SLC2A5: variants seen among roughly 807,000 people sequenced by gnomAD.
The protein encoded by SLC2A5 is solute carrier family 2, facilitated glucose transporter member 5.
Under a neutral mutation model 50.3 loss-of-function variants are expected in SLC2A5, and 56 were observed. The observed-to-expected ratio is 1.11, with a 90% confidence interval of 0.90 to 1.39. SLC2A5 has a LOEUF of 1.39. Ranked by LOEUF, SLC2A5 falls within the 40% of genes most tolerant of loss-of-function variation. The pLI, the probability that SLC2A5 is intolerant of heterozygous loss-of-function variation, is 0.00. For synonymous variants in SLC2A5, 269 were observed against 281.9 expected, an observed-to-expected ratio of 0.95 and a Z score of 0.46; for missense variants, 566 against 650.1, an observed-to-expected ratio of 0.87 and a Z score of 1.41.
chr1:9,041,903 C>A lies in SLC2A5; in HGVS notation c.453G>T (p.Gly151=). 6.2e-7 allele frequency: 1 copy of A among 1,613,290 alleles called. No homozygotes were observed. The highest frequency in any genetic ancestry group is 8.5e-7 in the Non-Finnish European group (1 of 1,179,722). ...CCCGCAGGTTTTTAGGGGCCAGCTC[C>A]CCTAAGTACATGGGGACCACGTTGG... ...VSSNVVPMYL[G]ELAPKNLRGA... The change falls in exon 5 of 12, where the codon GGG becomes GGT. Residue 151 remains glycine, a synonymous_variant. Coordinates refer to ENST00000377424, the MANE Select transcript of SLC2A5 (RefSeq NM_003039.3).
At chr1:9,083,375 T>C (rs1050963712) in intron 2 of SLC2A5, among the ~76,000 whole-genome samples, 1 of 152,202 alleles carries the variant, frequency 6.6e-6, no homozygotes, top group African/African-American at 2.4e-5. Context: ...GGCAGCAGTT[T>C]TGCATGACTA....
At chr1:9,092,627 C>T (rs1642471197), upstream of SLC2A5, among the ~76,000 whole-genome samples, 1 of 152,150 alleles carries the variant, frequency 6.6e-6, no homozygotes, top group Admixed American at 6.5e-5. Context: ...CTGGTTGATA[C>T]CTTTTCGGGA....
intron 4 of SLC2A5, among the ~76,000 whole-genome samples, chr1:9,042,664 G>A (rs999447276): frequency 6.6e-6 from 1 of 151,058 alleles, no homozygotes; most frequent in Non-Finnish European, 1.5e-5. Flanking sequence ...GGGTGTGTGT[G>A]TGTGTGTGTA....
At position 9,038,413 on chromosome 1, in the gene SLC2A5, C is replaced by T. The variant is rs200375670; in HGVS notation, c.1174+18G>A. 135 of 1,600,804 alleles carry T rather than the reference C, an allele frequency of 8.4e-5. No individual in the cohort carries two copies. The African/African-American group carries it at 1.8e-3, about 21-fold the overall frequency. On this transcript the variant is annotated intron_variant, in intron 10 of 11. Coordinates refer to ENST00000377424, the MANE Select transcript of SLC2A5 (RefSeq NM_003039.3). Reference sequence around the variant, plus strand: ...CAGGGGGGGTTGTGACACCCTGAGGCCAGCTTTGGGTACGTACTGGGCCCG... The same window carrying T: ...CAGGGGGGGTTGTGACACCCTGAGGTCAGCTTTGGGTACGTACTGGGCCCG...
In SLC2A5 at chr1:9,085,380, C is replaced by T. The variant is rs548437307; in HGVS notation, c.-187-238G>A. Among the ~76,000 whole-genome samples the T allele has an allele frequency of 1.0e-3, 152 of 152,204 alleles. 1 individual carries two copies. The highest frequency in any genetic ancestry group is 3.6e-3 in the African/African-American group (151 of 41,532). The stretch of plus-strand genomic sequence containing the variant: ...ATTCAAAGGTGGGGGAGGGTTCTTC[C>T]AGGCTATAGGTAAATTTAGACACTT... On this transcript the variant is annotated intron_variant, in intron 1 of 5. Coordinates refer to the SLC2A5 transcript ENST00000464985.
At chr1:9,039,722 C>A in intron 7 of SLC2A5, 60 bp from the exon 8 acceptor site, 2 of 1,431,824 alleles carry the variant, frequency 1.4e-6, no homozygotes. Flanking sequence ...GCGCCAGGAC[C>A]CACGCCCGGC....
At chr1:9,076,401 G>A (rs1046491957) in intron 2 of SLC2A5, among the ~76,000 whole-genome samples, 1 of 152,186 alleles carries the variant, frequency 6.6e-6, no homozygotes, top group South Asian at 2.1e-4. Flanking sequence ...ACTTGTTTGT[G>A]TTCAGATTGT....
chr1:9,037,458 G>C lies in SLC2A5; in HGVS notation c.*128C>G. Reference sequence around the variant, plus strand: ...AGTTCCCACTGGGGTGGGGAGGCTGGAGATGAGGACTGCATTCCACATCAG... The same window carrying C: ...AGTTCCCACTGGGGTGGGGAGGCTGCAGATGAGGACTGCATTCCACATCAG... On this transcript the variant is annotated 3_prime_UTR_variant, in exon 12 of 12. Transcript: ENST00000377424. 1 of 770,824 alleles carries C rather than the reference G, an allele frequency of 1.3e-6. No homozygotes were observed. 47.7% of individuals were successfully genotyped at this position (770,824 alleles called of 1,614,324 possible).
chr1:9,072,014 C>T (rs1642223764), upstream of SLC2A5: 3 of 155,590 alleles, frequency 1.9e-5, no homozygotes, highest in Non-Finnish European at 4.2e-5. Context: ...GCCCGGGTTC[C>T]CCTCCGCCTT....
At chr1:9,065,179 A>T (rs1238656715) in intron 1 of SLC2A5, among the ~76,000 whole-genome samples, 1 of 152,078 alleles carries the variant, frequency 6.6e-6, no homozygotes, top group African/African-American at 2.4e-5. Flanking sequence ...TTCTTTAAAA[A>T]CTTGAACTTC....
Position 9,058,182 on chromosome 1 carries a change from G to C in SLC2A5, c.102C>G (p.Tyr34Ter). The stretch of plus-strand genomic sequence containing the variant: ...CTGGGGAGTTGACAGCAGCCACGTT[G>C]TACCCATACTGGAAGGATGACCCAA... ...AAFGSSFQYG[Y>*]NVAAVNSPAL... Residue 34 changes from tyrosine to a stop codon, truncating the protein, a stop_gained, in exon 2 of 12, where the codon TAC becomes TAG. Coordinates refer to ENST00000377424, the MANE Select transcript of SLC2A5 (RefSeq NM_003039.3). LOFTEE classifies it high-confidence loss of function. 1 of 1,613,864 alleles carries C rather than the reference G, an allele frequency of 6.2e-7. No individual in the cohort carries two copies. Among genetic ancestry groups the C allele is most frequent in the African/African-American group, 1.3e-5 (1 of 75,020 alleles).
At chr1:9,053,065 TTA>T (rs1641621213) in intron 3 of SLC2A5, among the ~76,000 whole-genome samples, 1 of 79,790 alleles carries the variant, frequency 1.3e-5, no homozygotes, top group South Asian at 2.9e-4. Context: ...ATAATATATA[TTA>T]TATATTTATA....
At chr1:9,046,686 G>A (rs1641443779) in intron 4 of SLC2A5, among the ~76,000 whole-genome samples, 1 of 150,780 alleles carries the variant, frequency 6.6e-6, no homozygotes, top group Non-Finnish European at 1.5e-5. Flanking sequence ...GTGTGTGTGT[G>A]TGTGTGTGTG....
upstream of SLC2A5, among the ~76,000 whole-genome samples, chr1:9,071,230 T>C (rs1008814484): frequency 2.0e-5 from 3 of 152,054 alleles, no homozygotes; most frequent in Non-Finnish European, 4.4e-5. Flanking sequence ...ACCAACATGG[T>C]GAAACCCTGT....
At position 9,053,103 on chromosome 1, in the gene SLC2A5, T is replaced by C. The variant is rs1490089166; in HGVS notation, c.293+4345A>G. 5.4e-5 allele frequency among the ~76,000 whole-genome samples: 6 copies of C among 111,158 alleles called. No individual in the cohort carries two copies. The East Asian group carries it at 1.3e-3, about 25-fold the overall frequency. The allele number at this position is 111,158 out of a possible 152,430, so 72.9% of individuals were successfully genotyped here. On this transcript the variant is annotated intron_variant, in intron 3 of 11. Coordinates refer to ENST00000377424, the MANE Select transcript of SLC2A5 (RefSeq NM_003039.3). ...TATTAATATATAATATATATTTATA[T>C]ATAATATATATTATATATTTATATT...
In SLC2A5 at chr1:9,041,902, C is replaced by A; in HGVS notation, c.454G>T (p.Glu152Ter). The A allele has an allele frequency of 6.2e-7, 1 of 1,613,310 alleles. No homozygotes were observed. The highest frequency in any genetic ancestry group is 1.7e-5 in the Admixed American group (1 of 59,908). ...SSNVVPMYLG[E>*]LAPKNLRGAL... ...CCCCGCAGGTTTTTAGGGGCCAGCT[C>A]CCCTAAGTACATGGGGACCACGTTG... The change falls in exon 5 of 12, where the codon GAG (glutamate) becomes TAG (stop). Residue 152 changes from glutamate to a stop codon, truncating the protein, a stop_gained. Coordinates refer to ENST00000377424, the MANE Select transcript of SLC2A5 (RefSeq NM_003039.3). LOFTEE classifies it high-confidence loss of function.
intron 1 of SLC2A5, among the ~76,000 whole-genome samples, chr1:9,086,387 CTTT>C (rs34593630): frequency 1.2e-4 from 17 of 140,536 alleles, no homozygotes; most frequent in South Asian, 2.3e-4. Context: ...TTTTCTCTCT[CTTT>C]TTTTTTTTTT....
In SLC2A5 at chr1:9,039,599, C is replaced by T. The variant is rs1641237938; in HGVS notation, c.949G>A (p.Val317Met). Residue 317 changes from valine (V) to methionine (M), a missense_variant, in exon 8 of 12, where the codon GTG becomes ATG. By Grantham distance (21) the Val-to-Met change is conservative. Coordinates refer to ENST00000377424, the MANE Select transcript of SLC2A5 (RefSeq NM_003039.3). Reference protein sequence around the residue: ...AGVPEEHVQYVTAGTGAVNVV... With the variant: ...AGVPEEHVQYMTAGTGAVNVV... The stretch of plus-strand genomic sequence containing the variant: ...TTCACGGCCCCGGTGCCGGCCGTCA[C>T]GTACTGCACGTGCTCCTCCGGCACG... 4 of 1,575,842 alleles carry T rather than the reference C, an allele frequency of 2.5e-6. No homozygotes were observed. The highest frequency in any genetic ancestry group is 3.4e-6 in the Non-Finnish European group (4 of 1,161,736).
Position 9,039,819 on chromosome 1 carries a change from T to G in SLC2A5, c.866A>C (p.Gln289Pro). The stretch of plus-strand genomic sequence containing the variant: ...CCATACAGCGTTGACGCCCGACAGC[T>G]GCTGGCCGCCCATGAGGACGATGAT... ...LSIIVLMGGQ[Q>P]LSGVNAIYYY... The change falls in exon 7 of 12, where the codon CAG becomes CCG. Residue 289 changes from glutamine (Q) to proline (P), a missense_variant. By Grantham distance (76) the Gln-to-Pro change is moderately conservative. Transcript: ENST00000377424. The G allele has an allele frequency of 1.3e-6, 2 of 1,598,770 alleles. No individual in the cohort carries two copies. The highest frequency in any genetic ancestry group is 2.2e-5 in the South Asian group (2 of 89,650).
Sources: gnomAD v4.1 joint callset for allele counts (sites outside exome capture counted in the v4.1 genomes callset) on GRCh38, gnomAD v4.1.1 for gene constraint, MANE v1.5 for transcripts, NCBI Gene and HGNC (gene_info 2026-07-23, HGNC 2026-07-21) for gene names.